The following ANKS1B variants were observed in gnomAD, a reference collection of about 807,000 sequenced individuals.
ANKS1B encodes ankyrin repeat and sterile alpha motif domain containing 1B.
ANKS1B carries 36 observed loss-of-function variants against 148.3 expected under a neutral mutation model. The observed-to-expected ratio is 0.24, with a 90% CI of 0.19 to 0.32. ANKS1B has a LOEUF of 0.32. Among genes scored for constraint, ANKS1B ranks in the 10% least tolerant of loss-of-function variants. The probability of loss-of-function intolerance (pLI) is 1.00; values close to 1 mark genes in which losing one functional copy is unlikely to be tolerated. For missense variants in ANKS1B, 1,157 were observed against 1,542.6 expected, an observed-to-expected ratio of 0.75 and a Z score of 4.19; for synonymous variants, 542 against 560.8, an observed-to-expected ratio of 0.97 and a Z score of 0.47.
At chr12:98,955,497 A>G (rs1002432220) in intron 17 of ANKS1B, among the ~76,000 whole-genome samples, 9 of 152,208 alleles carry the variant, frequency 5.9e-5, no homozygotes, top group African/African-American at 2.2e-4. Flanking sequence ...AAGGGGGACA[A>G]GGTGGAGGTG....
chr12:99,663,212 G>T (rs1407510740), intron 8 of ANKS1B, among the ~76,000 whole-genome samples: 2 of 151,972 alleles, frequency 1.3e-5, no homozygotes, highest in African/African-American at 4.8e-5. Context: ...TAGATGATAG[G>T]TCAGTGATCA....
At chr12:99,750,505 AT>A (rs1425975493) in intron 8 of ANKS1B, among the ~76,000 whole-genome samples, 1 of 152,128 alleles carries the variant, frequency 6.6e-6, no homozygotes, top group African/African-American at 2.4e-5. Context: ...TATAAAAGAT[AT>A]TGTATAGCCA....
intron 12 of ANKS1B, among the ~76,000 whole-genome samples, chr12:99,338,159 C>T (rs1464581762): frequency 2.6e-5 from 4 of 152,062 alleles, no homozygotes; most frequent in African/African-American, 4.8e-5. Context: ...AAATGCTGTC[C>T]GGGAACCACA....
At chr12:99,873,396 G>C (rs1159085326) in intron 1 of ANKS1B, among the ~76,000 whole-genome samples, 1 of 152,136 alleles carries the variant, frequency 6.6e-6, no homozygotes, top group Non-Finnish European at 1.5e-5. Flanking sequence ...CCTGGAAAGT[G>C]CTGTCTAGTT....
At chr12:99,496,487 C>T (rs2096605862) in intron 10 of ANKS1B, among the ~76,000 whole-genome samples, 1 of 152,196 alleles carries the variant, frequency 6.6e-6, no homozygotes, top group Non-Finnish European at 1.5e-5. Context: ...GTCGCATAAA[C>T]ATGAGTCTTA....
At chr12:99,120,231 C>G (rs2062423569) in intron 15 of ANKS1B, among the ~76,000 whole-genome samples, 1 of 152,182 alleles carries the variant, frequency 6.6e-6, no homozygotes, top group Non-Finnish European at 1.5e-5. Flanking sequence ...CTGGAGAAAA[C>G]CCATGCAGTC....
chr12:99,086,426 T>C (rs2051835898), intron 15 of ANKS1B, among the ~76,000 whole-genome samples: 2 of 152,132 alleles, frequency 1.3e-5, no homozygotes, highest in African/African-American at 4.8e-5. Flanking sequence ...GGGCAGACCA[T>C]ACAGATATTG....
intron 17 of ANKS1B, among the ~76,000 whole-genome samples, chr12:98,978,393 T>G (rs2099901615): frequency 6.6e-6 from 1 of 152,150 alleles, no homozygotes; most frequent in Non-Finnish European, 1.5e-5. Flanking sequence ...TTTTGGAGGA[T>G]CTTTGCCCCA....
At chr12:99,055,121 C>A (rs2099968715) in intron 16 of ANKS1B, among the ~76,000 whole-genome samples, 1 of 152,144 alleles carries the variant, frequency 6.6e-6, no homozygotes, top group South Asian at 2.1e-4. Flanking sequence ...AAGGGAGGCT[C>A]ATAGATATTC....
At chr12:98,979,600 A>G (rs181646764) in intron 17 of ANKS1B, among the ~76,000 whole-genome samples, 76 of 152,122 alleles carry the variant, frequency 5.0e-4, no homozygotes, top group Admixed American at 1.6e-3. Flanking sequence ...AGTTTATGGC[A>G]AGAAACCTGC....
intron 1 of ANKS1B, among the ~76,000 whole-genome samples, chr12:99,848,448 C>A (rs1343285143): frequency 3.3e-5 from 5 of 152,072 alleles, no homozygotes; most frequent in African/African-American, 4.8e-5. Context: ...GTGGACAGGA[C>A]CAACAAAGCT....
chr12:99,155,652 T>C (rs949258987), intron 14 of ANKS1B, among the ~76,000 whole-genome samples: 1 of 152,150 alleles, frequency 6.6e-6, no homozygotes, highest in African/African-American at 2.4e-5. Flanking sequence ...TATTTAATAA[T>C]TGGGAGAAAC....
At chr12:99,424,620 GAAAC>G (rs1040014494) in intron 11 of ANKS1B, among the ~76,000 whole-genome samples, 3 of 132,238 alleles carry the variant, frequency 2.3e-5, no homozygotes, top group East Asian at 2.3e-4. Flanking sequence ...ACAGGTAGCA[GAAAC>G]ACACACACAC....
At chr12:99,808,550 G>C (rs903164992) in intron 3 of ANKS1B, among the ~76,000 whole-genome samples, 10 of 152,068 alleles carry the variant, frequency 6.6e-5, no homozygotes, top group Non-Finnish European at 1.2e-4. Context: ...TCTTTACTTG[G>C]TTTGAAAGTA....
chr12:99,069,562 C>T lies in ANKS1B; in HGVS notation c.2625+15363G>A, dbSNP rs1242099629. 3.3e-5 allele frequency among the ~76,000 whole-genome samples: 5 copies of T among 152,286 alleles called. No individual in the cohort carries two copies. In the East Asian group the frequency reaches 9.7e-4, roughly 29 times the overall value. On this transcript the variant is annotated intron_variant, in intron 16 of 26. Transcript: ENST00000683438. ...TTTAACCTGTCAGGACTCTGTGATT[C>T]ATAAATTATAACCTTAGAAATCATT...
intron 25 of ANKS1B, among the ~76,000 whole-genome samples, chr12:98,769,218 C>T (rs1450162468): frequency 2.8e-5 from 3 of 107,282 alleles, no homozygotes; most frequent in Non-Finnish European, 5.2e-5. Flanking sequence ...GCCCAGGGGA[C>T]TGATTCATAT....
chr12:99,898,957 G>A (rs546206156), intron 1 of ANKS1B, among the ~76,000 whole-genome samples: 1 of 152,262 alleles, frequency 6.6e-6, no homozygotes, highest in Non-Finnish European at 1.5e-5. Context: ...AGATCAATGA[G>A]TCTAGTCCTC....
chr12:99,025,625 A>G (rs1277154189), intron 17 of ANKS1B, among the ~76,000 whole-genome samples: 1 of 152,194 alleles, frequency 6.6e-6, no homozygotes, highest in East Asian at 1.9e-4. Context: ...GCAAGGACAA[A>G]CTGGAACCCA....
chr12:98,916,954 AT>A (rs1160781153), intron 17 of ANKS1B, among the ~76,000 whole-genome samples: 1 of 149,960 alleles, frequency 6.7e-6, no homozygotes, highest in Non-Finnish European at 1.5e-5. Context: ...CAGCCCTAGT[AT>A]TCAACTATTT....
Sources: gnomAD v4.1 joint callset for allele counts (sites outside exome capture counted in the v4.1 genomes callset) on GRCh38, gnomAD v4.1.1 for gene constraint, MANE v1.5 for transcripts, NCBI Gene and HGNC (gene_info 2026-07-23, HGNC 2026-07-21) for gene names.